TRHR: variants seen among roughly 807,000 people sequenced by gnomAD.
TRHR encodes thyrotropin releasing hormone receptor.
TRHR carries 14 observed loss-of-function variants against 28.0 expected under a neutral mutation model. That is an observed-to-expected ratio of 0.50 (90% CI 0.33 to 0.78). The LOEUF (loss-of-function observed/expected upper bound fraction) is 0.78. Among genes scored for constraint, TRHR ranks in the 30% least tolerant of loss-of-function variants. The pLI is 0.02. For synonymous variants in TRHR, 176 were observed against 171.9 expected, an observed-to-expected ratio of 1.02 and a Z score of -0.18; for missense variants, 438 against 469.5, an observed-to-expected ratio of 0.93 and a Z score of 0.62.
At chr8:109,096,042 CAG>C (rs955480918) in intron 2 of TRHR, among the ~76,000 whole-genome samples, 2 of 152,168 alleles carry the variant, frequency 1.3e-5, no homozygotes, top group African/African-American at 4.8e-5. Context: ...CTCTCTAACA[CAG>C]AGATACTATT....
At chr8:109,096,703 C>T (rs1326955506) in intron 2 of TRHR, among the ~76,000 whole-genome samples, 1 of 152,064 alleles carries the variant, frequency 6.6e-6, no homozygotes, top group East Asian at 1.9e-4. Context: ...AAGCCAGGGC[C>T]CCCTCTTTTT....
chr8:109,092,942 C>CTT (rs540897226), intron 2 of TRHR, among the ~76,000 whole-genome samples: 1 of 145,396 alleles, frequency 6.9e-6, no homozygotes. Context: ...TTCACTGGAT[C>CTT]TTTTTTTTTT....
rs774703863 is a variant in TRHR, at chr8:109,119,036, A to C, written c.790-12A>C. ...TTGTGTTTGTACAGCATTTCTCTCT[A>C]TTTCTCCCTAGGTCACCAAGATGCT... On this transcript the variant is annotated splice_polypyrimidine_tract_variant and intron_variant, in intron 2 of 2. Transcript: ENST00000518632. The C allele has an allele frequency of 6.2e-7, 1 of 1,611,854 alleles. No homozygotes were observed. The highest frequency in any genetic ancestry group is 8.5e-7 in the Non-Finnish European group (1 of 1,178,760).
chr8:109,119,639 A>G lies in TRHR; in HGVS notation c.*184A>G, dbSNP rs1811976709. On this transcript the variant is annotated 3_prime_UTR_variant, in exon 3 of 3. Transcript: ENST00000518632. ...GATGATTCAGACTTTCCTTCTTACAAACTAATATCACTAAAAATGGAGCAG... is the reference window on the plus strand; with the variant it reads ...GATGATTCAGACTTTCCTTCTTACAGACTAATATCACTAAAAATGGAGCAG... The G allele has an allele frequency of 6.3e-6, 4 of 638,232 alleles. No individual in the cohort carries two copies. The highest frequency in any genetic ancestry group is 5.9e-5 in the Admixed American group (2 of 33,714). The allele number at this position is 638,232 out of a possible 1,614,324, so 39.5% of individuals were successfully genotyped here. A position where few individuals can be genotyped will look rare whatever the true frequency, so the allele number is the denominator to read the frequency against.
chr8:109,094,706 CA>C (rs1458080919), intron 2 of TRHR, among the ~76,000 whole-genome samples: 3 of 150,198 alleles, frequency 2.0e-5, no homozygotes, highest in Non-Finnish European at 4.4e-5. Flanking sequence ...TTTATATTTG[CA>C]TGTTGCAAAT....
chr8:109,114,877 C>T (rs894255414), intron 2 of TRHR, among the ~76,000 whole-genome samples: 19 of 152,054 alleles, frequency 1.2e-4, no homozygotes, highest in Non-Finnish European at 2.6e-4. Flanking sequence ...TGCCATGTCT[C>T]TCTGGATCAC....
chr8:109,112,279 T>C (rs1811846152), intron 2 of TRHR, among the ~76,000 whole-genome samples: 1 of 152,136 alleles, frequency 6.6e-6, no homozygotes, highest in Non-Finnish European at 1.5e-5. Context: ...AAATTCAGAA[T>C]TTTTTCTGAA....
At chr8:109,105,711 C>G (rs775172798) in intron 2 of TRHR, among the ~76,000 whole-genome samples, 2 of 152,040 alleles carry the variant, frequency 1.3e-5, no homozygotes, top group Non-Finnish European at 2.9e-5. Flanking sequence ...AATAAACAGC[C>G]CATTTTCAGA....
intron 2 of TRHR, among the ~76,000 whole-genome samples, chr8:109,103,513 T>C (rs1811707876): frequency 6.6e-6 from 1 of 152,176 alleles, no homozygotes. Flanking sequence ...GCAAGTATAG[T>C]GGCTTTTTTG....
At chr8:109,115,074 T>C (rs1393031305) in intron 2 of TRHR, among the ~76,000 whole-genome samples, 2 of 152,114 alleles carry the variant, frequency 1.3e-5, no homozygotes, top group Non-Finnish European at 2.9e-5. Flanking sequence ...GTAAAGAAGC[T>C]GTCTTTCATA....
At position 109,120,040 on chromosome 8, in the gene TRHR, G is replaced by T. The variant is rs889510928; in HGVS notation, c.*585G>T. On this transcript the variant is annotated 3_prime_UTR_variant, in exon 3 of 3. Coordinates refer to ENST00000518632, the MANE Select transcript of TRHR (RefSeq NM_003301.7). ...TGCCATAATGTTTATAAAATTCTGA[G>T]ATGATTTTTATATCTTAGAAGGTAG... Among the ~76,000 whole-genome samples the T allele has an allele frequency of 6.6e-6, 1 of 151,706 alleles. No homozygotes were observed. Among genetic ancestry groups the T allele is most frequent in the Non-Finnish European group, 1.5e-5 (1 of 67,826 alleles).
At chr8:109,089,789 A>G (rs1027218343) in intron 2 of TRHR, among the ~76,000 whole-genome samples, 51 of 152,332 alleles carry the variant, frequency 3.3e-4, no homozygotes, top group Admixed American at 2.9e-3. Context: ...AAGAATATGT[A>G]CATCTCAATT....
intron 2 of TRHR, among the ~76,000 whole-genome samples, chr8:109,116,246 T>G (rs1811919737): frequency 1.3e-5 from 2 of 152,158 alleles, no homozygotes; most frequent in Non-Finnish European, 2.9e-5. Context: ...TCATCAGGGA[T>G]ATTGGTCTAA....
intron 2 of TRHR, among the ~76,000 whole-genome samples, chr8:109,100,117 G>A (rs1340952903): frequency 6.6e-6 from 1 of 152,160 alleles, no homozygotes; most frequent in Non-Finnish European, 1.5e-5. Context: ...TCTGATAGGA[G>A]TTCGGCTTTG....
At chr8:109,112,348 T>C (rs1264684578) in intron 2 of TRHR, among the ~76,000 whole-genome samples, 1 of 152,174 alleles carries the variant, frequency 6.6e-6, no homozygotes, top group Non-Finnish European at 1.5e-5. Flanking sequence ...CAAATCCTTA[T>C]GACTCCCTAG....
chr8:109,109,494 G>A (rs374165886), intron 2 of TRHR, among the ~76,000 whole-genome samples: 9 of 150,808 alleles, frequency 6.0e-5, no homozygotes, highest in African/African-American at 1.9e-4. Context: ...ACCATGCCTG[G>A]TGCATACTAA....
chr8:109,096,244 C>A (rs1456572570), intron 2 of TRHR, among the ~76,000 whole-genome samples: 1 of 152,202 alleles, frequency 6.6e-6, no homozygotes, highest in Admixed American at 6.5e-5. Flanking sequence ...GAACACTGTT[C>A]ATCTTGCAAA....
chr8:109,120,221 C>G lies in TRHR; in HGVS notation c.*766C>G, dbSNP rs1423867937. 6.6e-6 allele frequency among the ~76,000 whole-genome samples: 1 copy of G among 151,862 alleles called. No homozygotes were observed. Among genetic ancestry groups the G allele is most frequent in the South Asian group, 2.1e-4 (1 of 4,826 alleles). On this transcript the variant is annotated 3_prime_UTR_variant, in exon 3 of 3. Transcript: ENST00000518632. ...AAAGGCAAAAGCCCAGATTAAGTAA[C>G]TGTGAAGATACAAACTAACATACAA...
rs1392795394 is a variant in TRHR, at chr8:109,119,150, G to A, written c.892G>A (p.Glu298Lys). The A allele has an allele frequency of 6.2e-7, 1 of 1,612,798 alleles. No individual in the cohort carries two copies. Among genetic ancestry groups the A allele is most frequent in the African/African-American group, 1.3e-5 (1 of 74,846 alleles). ...CTCATTTCTCTCCAGTCCTTTCCAA[G>A]AAAATTGGTTTTTGCTCTTTTGCAG... ...VNSFLSSPFQ[E>K]NWFLLFCRIC... Residue 298 changes from glutamate (E) to lysine (K), a missense_variant, in exon 3 of 3, where the codon GAA (glutamate) becomes AAA (lysine). Transcript: ENST00000518632.
Sources: gnomAD v4.1 joint callset for allele counts (sites outside exome capture counted in the v4.1 genomes callset) on GRCh38, gnomAD v4.1.1 for gene constraint, MANE v1.5 for transcripts, NCBI Gene and HGNC (gene_info 2026-07-23, HGNC 2026-07-21) for gene names.